The following ITIH6 variants were observed in gnomAD, a reference collection of about 807,000 sequenced individuals.
ITIH6 encodes the protein inter-alpha-trypsin inhibitor heavy chain H6.
In ITIH6, 60 loss-of-function variants were observed where a neutral mutation model predicts 58.2. The ratio of observed to expected loss-of-function variants is 1.03; its 90% CI spans 0.84 to 1.28. The LOEUF (loss-of-function observed/expected upper bound fraction) is 1.28, where lower values mean the gene tolerates loss of function less well. Among genes scored for constraint, ITIH6 ranks in the 50% most tolerant of loss-of-function variants. The pLI, the probability that ITIH6 is intolerant of heterozygous loss-of-function variation, is 0.00. For synonymous variants in ITIH6, 493 were observed against 417.4 expected, an observed-to-expected ratio of 1.18 and a Z score of -2.21; for missense variants, 1,290 against 1,021.1, an observed-to-expected ratio of 1.26 and a Z score of -3.59.
At position 54,749,916 on chromosome X, in the gene ITIH6, G is replaced by A. The variant is rs753873564; in HGVS notation, c.3921C>T (p.Pro1307=). ...GCCATCACAGGACATAGGAGAGGTA[G>A]GGGTGGCCCAGAAGCAGCTCTACAT... ...RSHVELLLGH[P]YLSYVL is the part of the protein sequence containing the mutation. The change falls in exon 13 of 13, where the codon CCC becomes CCT. Residue 1307 remains proline (P), a synonymous_variant. Coordinates refer to ENST00000218436, the MANE Select transcript of ITIH6 (RefSeq NM_198510.3). The A allele has an allele frequency of 2.5e-6, 3 of 1,210,713 alleles. No individual in the cohort carries two copies. The highest frequency in any genetic ancestry group is 3.4e-6 in the Non-Finnish European group (3 of 894,838).
intron 5 of ITIH6, among the ~76,000 whole-genome samples, chrX:54,781,590 A>G (rs1464552398): frequency 8.9e-6 from 1 of 112,556 alleles, no homozygotes; most frequent in African/African-American, 3.2e-5. Flanking sequence ...CAACAGATGA[A>G]GGCAAGATTG....
intron 2 of ITIH6, among the ~76,000 whole-genome samples, chrX:54,793,239 C>T (rs1929379890): frequency 9.0e-6 from 1 of 111,230 alleles, no homozygotes; most frequent in Non-Finnish European, 1.9e-5. Flanking sequence ...TACTATGCAG[C>T]CATAAAAATG....
At chrX:54,788,761 T>C in intron 4 of ITIH6, 112 bp from the exon 5 acceptor site, 1 of 592,556 alleles carries the variant, frequency 1.7e-6, no homozygotes, top group Non-Finnish European at 2.7e-6. Flanking sequence ...GAAGTCTAAC[T>C]CTTCCCCAAA....
At chrX:54,795,105 C>T (rs1929417552) in intron 2 of ITIH6, among the ~76,000 whole-genome samples, 1 of 111,880 alleles carries the variant, frequency 8.9e-6, no homozygotes, top group South Asian at 3.8e-4. Flanking sequence ...TGTTTGCCTA[C>T]TCAGCTCCTG....
At chrX:54,763,386 G>T (rs1053670163) in intron 6 of ITIH6, among the ~76,000 whole-genome samples, 1 of 111,639 alleles carries the variant, frequency 9.0e-6, no homozygotes, top group Non-Finnish European at 1.9e-5. Context: ...TGAGGTCCTA[G>T]AAGTCAGAAC....
chrX:54,780,336 G>A (rs1019277468), intron 5 of ITIH6, among the ~76,000 whole-genome samples: 2 of 111,791 alleles, frequency 1.8e-5, no homozygotes, highest in Non-Finnish European at 3.8e-5. Context: ...TGACCACAAT[G>A]GAATAACACT....
intron 6 of ITIH6, among the ~76,000 whole-genome samples, chrX:54,767,652 A>T (rs1374118853): frequency 8.7e-5 from 9 of 103,153 alleles, no homozygotes; most frequent in Non-Finnish European, 1.8e-4. Flanking sequence ...TTATGCACCC[A>T]GTAGTCATTC....
chrX:54,772,941 T>C lies in ITIH6; in HGVS notation c.903+1140A>G, dbSNP rs1174794468. 1.8e-5 allele frequency among the ~76,000 whole-genome samples: 2 copies of C among 111,482 alleles called. 1 individual carries two copies. Among genetic ancestry groups the C allele is most frequent in the Non-Finnish European group, 3.8e-5 (2 of 53,095 alleles). On this transcript the variant is annotated intron_variant, in intron 6 of 12. Transcript: ENST00000218436. The stretch of plus-strand genomic sequence containing the variant: ...GCGCACCACCACACCTGGCTAATTT[T>C]TGTATTTTTAGTAGAGACAGGGTTT...
At position 54,753,671 on chromosome X, in the gene ITIH6, A is replaced by G; in HGVS notation, c.3332T>C (p.Leu1111Pro). Residue 1111 changes from leucine (L) to proline (P), a missense_variant, in exon 11 of 13, where the codon CTC becomes CCC. Physicochemically the swap from Leu to Pro is moderately conservative, Grantham distance 98. Transcript: ENST00000218436. ...LNGHPGDLLQ[L>P]IEDPKAGLHV... ...CTTACCTGCCTTTGGGTCCTCTATG[A>G]GCTGCAGCAAGTCCCCAGGGTGCCC... The G allele has an allele frequency of 8.3e-7, 1 of 1,208,374 alleles. No homozygotes were observed. Among genetic ancestry groups the G allele is most frequent in the Non-Finnish European group, 1.1e-6 (1 of 892,928 alleles).
chrX:54,796,693 A>C (rs1404407454), intron 2 of ITIH6, among the ~76,000 whole-genome samples: 1 of 110,175 alleles, frequency 9.1e-6, no homozygotes, highest in East Asian at 2.8e-4. Context: ...CAAAAAAAAA[A>C]AAAAGAAAGA....
chrX:54,752,583 A>G (rs967063046), intron 11 of ITIH6, among the ~76,000 whole-genome samples: 1 of 112,156 alleles, frequency 8.9e-6, no homozygotes, highest in Admixed American at 9.4e-5. Context: ...CAGAAACAAT[A>G]GCCAACACCA....
In ITIH6 at chrX:54,757,061, C is replaced by T; in HGVS notation, c.3013G>A (p.Glu1005Lys). The T allele has an allele frequency of 8.3e-7, 1 of 1,211,494 alleles. No homozygotes were observed. Among genetic ancestry groups the T allele is most frequent in the Non-Finnish European group, 1.1e-6 (1 of 895,338 alleles). ...EAISLLLLPE[E>K]LELLSESMVE... ...ATTGATTCAGACAGCAGCTCTAGCT[C>T]CTCAGGGAGAAGGAGCAGACTGATG... Residue 1005 changes from glutamate to lysine, a missense_variant, in exon 8 of 13, where the codon GAG (glutamate) becomes AAG (lysine). By Grantham distance (56) the Glu-to-Lys change is moderately conservative. Transcript: ENST00000218436.
chrX:54,787,153 A>T (rs1457702824), intron 5 of ITIH6: 3 of 111,920 alleles, frequency 2.7e-5, no homozygotes, highest in African/African-American at 9.8e-5. Flanking sequence ...ACACCAGGTT[A>T]AAGCCCCTGC....
chrX:54,762,495 C>G (rs190153949), intron 6 of ITIH6, among the ~76,000 whole-genome samples: 12 of 111,600 alleles, frequency 1.1e-4, no homozygotes. Flanking sequence ...TCTCACCAGC[C>G]CCTAGAAAAC....
intron 5 of ITIH6, 102 bp downstream of exon 5, chrX:54,788,378 C>T: frequency 1.4e-6 from 1 of 727,667 alleles, no homozygotes; most frequent in Non-Finnish European, 2.1e-6. Flanking sequence ...CTAGCCCTTG[C>T]TTATCTCTAG....
In ITIH6 at chrX:54,758,686, T is replaced by C; in HGVS notation, c.1388A>G (p.Lys463Arg). Residue 463 changes from lysine to arginine, a missense_variant, in exon 8 of 13, where the codon AAG (lysine) becomes AGG (arginine). Lys to Arg is a conservative substitution (Grantham distance 26, BLOSUM62 2). Transcript: ENST00000218436. ...CATGGAGATCTCCTCATAGAGGCCC[T>C]TCAGCTGTAGGGCCGCATCAGTGTC... ...YEDTDAALQL[K>R]GLYEEISMPL... 1 of 1,211,714 alleles carries C rather than the reference T, an allele frequency of 8.3e-7. No homozygotes were observed. Among genetic ancestry groups the C allele is most frequent in the Non-Finnish European group, 1.1e-6 (1 of 895,409 alleles).
At chrX:54,760,140 A>G (rs766726361) in intron 6 of ITIH6, among the ~76,000 whole-genome samples, 1 of 112,398 alleles carries the variant, frequency 8.9e-6, no homozygotes, top group South Asian at 3.8e-4. Context: ...ACTAATAGTC[A>G]CATGTAGCTA....
At chrX:54,761,843 T>C (rs1408325384) in intron 6 of ITIH6, among the ~76,000 whole-genome samples, 9 of 112,088 alleles carry the variant, frequency 8.0e-5, no homozygotes, top group African/African-American at 2.9e-4. Context: ...TACTGTAGCC[T>C]TGTAGTATAG....
intron 2 of ITIH6, among the ~76,000 whole-genome samples, chrX:54,794,205 G>T (rs1929400173): frequency 9.1e-6 from 1 of 110,396 alleles, no homozygotes; most frequent in Non-Finnish European, 1.9e-5. Flanking sequence ...GGTGAGGGGG[G>T]TAGGGTGGAG....
Sources: gnomAD v4.1 joint callset for allele counts (sites outside exome capture counted in the v4.1 genomes callset) on GRCh38, gnomAD v4.1.1 for gene constraint, MANE v1.5 for transcripts, NCBI Gene and HGNC (gene_info 2026-07-23, HGNC 2026-07-21) for gene names.